Variants in PCDH17 observed in about 807,000 individuals in gnomAD.
PCDH17 encodes the protein protocadherin 17, also known as protocadherin-17.
PCDH17 carries 21 observed loss-of-function variants against 67.7 expected under a neutral mutation model. The ratio of observed to expected loss-of-function variants is 0.31; its 90% confidence interval spans 0.22 to 0.45. The LOEUF (loss-of-function observed/expected upper bound fraction) is 0.45. Ranked by LOEUF, PCDH17 falls within the 20% of genes least tolerant of loss-of-function variation. The pLI, the probability that PCDH17 is intolerant of heterozygous loss-of-function variation, is 1.00. For missense variants in PCDH17, 1,471 were observed against 1,564.8 expected (o/e 0.94, Z 1.01); for synonymous variants, 701 against 656.7 (o/e 1.07, Z -1.03).
At chr13:57,701,363 T>C (rs146933114) in intron 3 of PCDH17, among the ~76,000 whole-genome samples, 1 of 152,076 alleles carries the variant, frequency 6.6e-6, no homozygotes, top group African/African-American at 2.4e-5. Flanking sequence ...TGAGATACTG[T>C]TCTAAAATTT....
chr13:57,651,181 G>A (rs746237538), intron 1 of PCDH17, among the ~76,000 whole-genome samples: 13 of 151,958 alleles, frequency 8.6e-5, no homozygotes, highest in Non-Finnish European at 8.8e-5. Flanking sequence ...ACTAAACACA[G>A]CATAGTAAAC....
chr13:57,686,682 A>G (rs995475754), intron 3 of PCDH17, among the ~76,000 whole-genome samples: 2 of 152,010 alleles, frequency 1.3e-5, no homozygotes, highest in African/African-American at 4.8e-5. Flanking sequence ...ATATAATATA[A>G]AAAACTAGAT....
intron 3 of PCDH17, among the ~76,000 whole-genome samples, chr13:57,699,663 T>G (rs1955644332): frequency 6.6e-6 from 1 of 152,030 alleles, no homozygotes; most frequent in African/African-American, 2.4e-5. Context: ...ATTAGCTTAA[T>G]ATTTTATATG....
chr13:57,715,546 A>T (rs7329220), intron 3 of PCDH17, among the ~76,000 whole-genome samples: 4,364 of 151,952 alleles, frequency 0.029, 196 homozygotes, highest in African/African-American at 0.098. Context: ...CAATGGGAAA[A>T]TTGCTACATT....
Position 57,634,114 on chromosome 13 carries a change from C to G in PCDH17, c.1568C>G (p.Thr523Ser). The G allele has an allele frequency of 6.2e-7, 1 of 1,613,670 alleles. No homozygotes were observed. The change falls in exon 1 of 4, where the codon ACC (threonine) becomes AGC (serine). Residue 523 changes from threonine (T) to serine (S), a missense_variant. Physicochemically the swap from Thr to Ser is moderately conservative, Grantham distance 58 (BLOSUM62 1). This residue lies in a region of PCDH17 where 1,163 missense variants were observed against 1,230.0 expected (regional missense o/e 0.95). Transcript: ENST00000377918. The surrounding 1 kb of genome is among the most constrained non-coding windows in gnomAD (Gnocchi z 7.8). ...PSHIGDVSIY[T>S]YVSVNPTNGA... ...CACATCGGCGACGTGTCTATCTACA[C>G]CTATGTGTCTGTGAATCCCACGAAC...
At position 57,632,747 on chromosome 13, in the gene PCDH17, G is replaced by A. The variant is rs1022806274; in HGVS notation, c.201G>A (p.Leu67=). The A allele has an allele frequency of 6.2e-7, 1 of 1,612,422 alleles. No homozygotes were observed. The highest frequency in any genetic ancestry group is 8.5e-7 in the Non-Finnish European group (1 of 1,179,942). The change falls in exon 1 of 4, where the codon CTG becomes CTA. Residue 67 remains leucine (L), a synonymous_variant. Transcript: ENST00000377918. The stretch of plus-strand genomic sequence containing the variant: ...GCAAGTCGGGTAGCTACCGGGTGCT[G>A]GAGAACTCCGCACCGCACCTGCTGG... ...GRSKSGSYRV[L]ENSAPHLLDV...
chr13:57,675,467 T>C (rs899216101), intron 3 of PCDH17, among the ~76,000 whole-genome samples: 9 of 152,010 alleles, frequency 5.9e-5, no homozygotes, highest in East Asian at 1.9e-4. Context: ...GAATCTGACA[T>C]ATAAACTATG....
At position 57,633,898 on chromosome 13, in the gene PCDH17, CCCT is replaced by C; in HGVS notation, c.1354_1356del (p.Leu452del). On this transcript the variant is annotated inframe_deletion, in exon 1 of 4. Coordinates refer to ENST00000377918, the MANE Select transcript of PCDH17 (RefSeq NM_001040429.3). The surrounding 1 kb of genome is among the most constrained non-coding windows in gnomAD (Gnocchi z 6.2). Reference sequence around the variant, plus strand: ...GTGGCGCGGGACGGGGGCTCTCCTCCCCTCAACTCCACCAAGTCGTTCGCGATC... The same window carrying C: ...GTGGCGCGGGACGGGGGCTCTCCTCCCAACTCCACCAAGTCGTTCGCGATC... 1 of 1,613,244 alleles carries C rather than the reference CCCT, an allele frequency of 6.2e-7. No homozygotes were observed.
At chr13:57,722,799 G>A (rs1008651678) in intron 3 of PCDH17, among the ~76,000 whole-genome samples, 1 of 151,800 alleles carries the variant, frequency 6.6e-6, no homozygotes, top group African/African-American at 2.4e-5. Flanking sequence ...TTGTAGAGGG[G>A]TGTCTTGCTA....
At chr13:57,648,064 C>T (rs1355757366) in intron 1 of PCDH17, among the ~76,000 whole-genome samples, 1 of 151,778 alleles carries the variant, frequency 6.6e-6, no homozygotes, top group African/African-American at 2.4e-5. Context: ...TGTTAAATAT[C>T]CATTATTTAA....
Position 57,654,361 on chromosome 13 carries a change from A to G in PCDH17, c.2566-12107A>G, listed in dbSNP as rs77691350. Among the ~76,000 whole-genome samples, 362 of 152,104 alleles carry G rather than the reference A, an allele frequency of 2.4e-3. 10 individuals carry two copies. The East Asian group carries it at 0.06, about 25-fold the overall frequency. ...AAAACAGATAATGGGCCATGAGACA[A>G]CCATTGTTGTAAAGCATGACTGTTA... On this transcript the variant is annotated intron_variant, in intron 1 of 3. Transcript: ENST00000377918.
chr13:57,656,437 A>G (rs1303341808), intron 1 of PCDH17, among the ~76,000 whole-genome samples: 1 of 152,144 alleles, frequency 6.6e-6, no homozygotes, highest in Non-Finnish European at 1.5e-5. Flanking sequence ...ATAATAAGTA[A>G]TATCACCAAT....
upstream of PCDH17, among the ~76,000 whole-genome samples, chr13:57,630,143 G>C (rs138669728): frequency 6.6e-4 from 101 of 152,318 alleles, no homozygotes; most frequent in African/African-American, 2.4e-3. Context: ...AGCAGGGATC[G>C]CGAGCCCGGC....
intron 3 of PCDH17, among the ~76,000 whole-genome samples, chr13:57,723,201 G>A (rs1593953793): frequency 6.6e-6 from 1 of 151,922 alleles, no homozygotes; most frequent in East Asian, 1.9e-4. Flanking sequence ...TTTTTTTGAG[G>A]TTTCACAGGT....
intron 3 of PCDH17, among the ~76,000 whole-genome samples, chr13:57,722,329 A>T (rs1955878003): frequency 6.6e-6 from 1 of 152,216 alleles, no homozygotes; most frequent in Admixed American, 6.6e-5. Context: ...CTACATTAGC[A>T]TATTTCAAAG....
chr13:57,665,265 G>GT (rs1555284656), intron 1 of PCDH17, among the ~76,000 whole-genome samples: 4 of 151,904 alleles, frequency 2.6e-5, no homozygotes, highest in Non-Finnish European at 4.4e-5. Context: ...ATTCTTTAAT[G>GT]TATCAATACT....
At chr13:57,680,433 T>C (rs760809996) in intron 3 of PCDH17, among the ~76,000 whole-genome samples, 9 of 151,602 alleles carry the variant, frequency 5.9e-5, no homozygotes, top group Non-Finnish European at 1.3e-4. Flanking sequence ...AGGGTTATCA[T>C]GGAGATAAAC....
chr13:57,665,550 A>G (rs1219200677), intron 1 of PCDH17, among the ~76,000 whole-genome samples: 2 of 152,106 alleles, frequency 1.3e-5, no homozygotes, highest in Non-Finnish European at 2.9e-5. Context: ...TTCAGAGTAT[A>G]ATGCCGTGAT....
chr13:57,724,891 G>C lies in PCDH17; in HGVS notation c.3077G>C (p.Ser1026Thr). ...KPYLKAKRAL[S>T]PLLQEVPSAS... ...TATTTAAAAGCCAAACGTGCCCTGA[G>C]CCCTCTCCTCCAAGAGGTCCCCTCA... Residue 1026 changes from serine to threonine, a missense_variant, in exon 4 of 4, where the codon AGC becomes ACC. Coordinates refer to ENST00000377918, the MANE Select transcript of PCDH17 (RefSeq NM_001040429.3). 6 of 1,614,144 alleles carry C rather than the reference G, an allele frequency of 3.7e-6. No individual in the cohort carries two copies. Among genetic ancestry groups the C allele is most frequent in the Non-Finnish European group, 5.1e-6 (6 of 1,180,016 alleles).
Sources: allele counts gnomAD v4.1 joint callset (sites outside exome capture counted in the v4.1 genomes callset), GRCh38; gene constraint gnomAD v4.1.1; regional missense constraint gnomAD v4.1.1; non-coding constraint Gnocchi (gnomAD v3.1); transcripts MANE v1.5; gene names NCBI Gene and HGNC (gene_info 2026-07-23, HGNC 2026-07-21).